Variants in BCAS3 observed in about 807,000 individuals in gnomAD.
BCAS3 encodes the protein BCAS4/BCAS3 fusion.
BCAS3 carries 53 observed loss-of-function variants against 116.1 expected under a neutral mutation model. The observed-to-expected ratio is 0.46, with a 90% CI of 0.37 to 0.57. BCAS3 has a LOEUF of 0.57. Among genes scored for constraint, BCAS3 ranks in the 20% least tolerant of loss-of-function variants. The pLI is 0.00. For synonymous variants in BCAS3, 391 were observed against 408.2 expected (o/e 0.96, Z 0.51); for missense variants, 917 against 1,165.4 (o/e 0.79, Z 3.10).
At chr17:61,230,037 A>G (rs546819528) in intron 22 of BCAS3, among the ~76,000 whole-genome samples, 1 of 152,186 alleles carries the variant, frequency 6.6e-6, no homozygotes, top group South Asian at 2.1e-4. Flanking sequence ...AGCCAGGAGA[A>G]TTGGTTGAAC....
chr17:60,902,580 T>C, intron 10 of BCAS3, 40 bp from the exon 11 acceptor site: 1 of 1,486,250 alleles, frequency 6.7e-7, no homozygotes, highest in Admixed American at 1.7e-5. Context: ...AACAGATTAA[T>C]AGAAATGACG....
At chr17:61,039,034 C>T (rs751434798) in intron 18 of BCAS3, among the ~76,000 whole-genome samples, 3 of 152,178 alleles carry the variant, frequency 2.0e-5, no homozygotes, top group Non-Finnish European at 4.4e-5. Flanking sequence ...AAGTTGTGCA[C>T]TTATCACTGC....
rs527918500 is a variant in BCAS3 at position 61,258,536 on chromosome 17, G to A, written c.2426-109791G>A. 1.3e-5 allele frequency among the ~76,000 whole-genome samples: 2 copies of A among 152,336 alleles called. No homozygotes were observed. The highest frequency in any genetic ancestry group is 2.1e-4 in the South Asian group (1 of 4,828). On this transcript the variant is annotated intron_variant, in intron 22 of 23. Coordinates refer to ENST00000407086, the MANE Select transcript of BCAS3 (RefSeq NM_017679.5). The surrounding 1 kb of genome is among the most constrained non-coding windows in gnomAD (Gnocchi z 4.7). The stretch of plus-strand genomic sequence containing the variant: ...ATAATCATACCTACTTCATGGTATC[G>A]TTGTGTGGATTAAATGAAATTGCAT...
chr17:60,724,735 T>A (rs7211419), intron 5 of BCAS3, among the ~76,000 whole-genome samples: 9,814 of 150,678 alleles, frequency 0.065, 917 homozygotes, highest in African/African-American at 0.21. Flanking sequence ...AAAAAAAAAA[T>A]TCATTTTCTT....
chr17:60,933,194 A>T (rs1303258648), intron 13 of BCAS3, among the ~76,000 whole-genome samples: 2 of 152,174 alleles, frequency 1.3e-5, no homozygotes, highest in African/African-American at 4.8e-5. Context: ...GACCCCATGG[A>T]AATGACATTT....
intron 22 of BCAS3, among the ~76,000 whole-genome samples, chr17:61,147,281 G>A (rs2143975248): frequency 6.6e-6 from 1 of 152,144 alleles, no homozygotes; most frequent in East Asian, 1.9e-4. Context: ...TCTCCATGTT[G>A]GTCAGGCTGG....
At chr17:61,192,512 T>C (rs1264298914) in intron 22 of BCAS3, among the ~76,000 whole-genome samples, 1 of 152,144 alleles carries the variant, frequency 6.6e-6, no homozygotes, top group African/African-American at 2.4e-5. Flanking sequence ...TCTACATAAA[T>C]GTGAAAATTA....
At position 61,249,160 on chromosome 17, in the gene BCAS3, G is replaced by A. The variant is rs2048187343; in HGVS notation, c.2426-119167G>A. ...AAATTAGCCGGGAATGGTGGCGGGT[G>A]CCTGTAATCCCAGCTACTCGGGAGG... On this transcript the variant is annotated intron_variant, in intron 22 of 23. Coordinates refer to ENST00000407086, the MANE Select transcript of BCAS3 (RefSeq NM_017679.5). This position sits in a 1 kb window ranked among gnomAD's most constrained non-coding sequence, Gnocchi z 6.2. Among the ~76,000 whole-genome samples the A allele has an allele frequency of 6.6e-6, 1 of 152,054 alleles. No individual in the cohort carries two copies. The highest frequency in any genetic ancestry group is 1.5e-5 in the Non-Finnish European group (1 of 68,016).
Position 61,227,464 on chromosome 17 carries a change from T to C in BCAS3, c.2426-140863T>C, listed in dbSNP as rs913667838. ...AAGAACAGAGGAACTCTAGGGACTGTAAGAAGTTTGAAACAGAAAAGGGCT... is the reference window on the plus strand; with the variant it reads ...AAGAACAGAGGAACTCTAGGGACTGCAAGAAGTTTGAAACAGAAAAGGGCT... On this transcript the variant is annotated intron_variant, in intron 22 of 23. Transcript: ENST00000407086. This position sits in a 1 kb window ranked among gnomAD's most constrained non-coding sequence, Gnocchi z 6.1. Among the ~76,000 whole-genome samples the C allele has an allele frequency of 6.6e-6, 1 of 152,198 alleles. No individual in the cohort carries two copies. Among genetic ancestry groups the C allele is most frequent in the African/African-American group, 2.4e-5 (1 of 41,444 alleles).
chr17:60,868,738 C>A, intron 8 of BCAS3, 55 bp downstream of exon 8: 2 of 1,079,822 alleles, frequency 1.9e-6, no homozygotes, highest in Non-Finnish European at 2.7e-6. Flanking sequence ...CTCTCCTGGG[C>A]ATGGAGAACT....
chr17:61,314,403 G>A (rs2054569695), intron 22 of BCAS3, among the ~76,000 whole-genome samples: 2 of 152,306 alleles, frequency 1.3e-5, no homozygotes, highest in African/African-American at 2.4e-5. Flanking sequence ...GCAGAATCCC[G>A]CCCAGCAGGC....
At chr17:60,725,868 C>T (rs1019674924) in intron 5 of BCAS3, among the ~76,000 whole-genome samples, 1 of 151,866 alleles carries the variant, frequency 6.6e-6, no homozygotes, top group Non-Finnish European at 1.5e-5. Context: ...AATCCAGGAT[C>T]AGACCTGAGG....
intron 12 of BCAS3, among the ~76,000 whole-genome samples, chr17:60,917,218 G>T (rs1296809708): frequency 1.3e-5 from 2 of 152,172 alleles, no homozygotes; most frequent in Non-Finnish European, 2.9e-5. Flanking sequence ...AAGTACATTT[G>T]TAGTGTTATA....
chr17:60,923,860 A>G (rs368681453), intron 12 of BCAS3, among the ~76,000 whole-genome samples: 6 of 152,276 alleles, frequency 3.9e-5, no homozygotes, highest in East Asian at 1.9e-4. Context: ...AAGAAGTTCT[A>G]TTTCTCTCTA....
chr17:61,344,646 G>A lies in BCAS3; in HGVS notation c.2426-23681G>A, dbSNP rs1187461444. On this transcript the variant is annotated intron_variant, in intron 22 of 23. Coordinates refer to ENST00000407086, the MANE Select transcript of BCAS3 (RefSeq NM_017679.5). This position sits in a 1 kb window ranked among gnomAD's most constrained non-coding sequence, Gnocchi z 4.1. ...CCTAACCTAGGAGAGGATCAGAAAA[G>A]GCTTCCCAGAAGTTCGATTTAAGCT... Among the ~76,000 whole-genome samples the A allele has an allele frequency of 6.6e-6, 1 of 152,142 alleles. No individual in the cohort carries two copies. Among genetic ancestry groups the A allele is most frequent in the Non-Finnish European group, 1.5e-5 (1 of 68,030 alleles).
chr17:61,171,425 T>C lies in BCAS3; in HGVS notation c.2425+86861T>C, dbSNP rs1247351208. Among the ~76,000 whole-genome samples the C allele has an allele frequency of 2.0e-5, 3 of 152,046 alleles. No homozygotes were observed. The highest frequency in any genetic ancestry group is 4.4e-5 in the Non-Finnish European group (3 of 68,012). On this transcript the variant is annotated intron_variant, in intron 22 of 23. Transcript: ENST00000407086. The surrounding 1 kb of genome is among the most constrained non-coding windows in gnomAD (Gnocchi z 4.1). ...TAATAGAAAACATTTAGCAAGATGG[T>C]AGATTTAAACTTGGCCATATCAAAA...
At chr17:60,839,441 A>C (rs1207612593) in intron 7 of BCAS3, among the ~76,000 whole-genome samples, 2 of 152,108 alleles carry the variant, frequency 1.3e-5, no homozygotes, top group African/African-American at 4.8e-5. Context: ...TGGAGATGTC[A>C]CTTACCCCTT....
At chr17:61,030,669 T>C (rs2066567112) in intron 16 of BCAS3, among the ~76,000 whole-genome samples, 1 of 152,148 alleles carries the variant, frequency 6.6e-6, no homozygotes, top group Admixed American at 6.6e-5. Flanking sequence ...TTTGTTAATT[T>C]GGTTATTCGG....
rs1316460731 is a variant in BCAS3 at position 61,188,171 on chromosome 17, T to A, written c.2425+103607T>A. On this transcript the variant is annotated intron_variant, in intron 22 of 23. Transcript: ENST00000407086. The surrounding 1 kb of genome is among the most constrained non-coding windows in gnomAD (Gnocchi z 4.0). ...GGATGTCTTCACCCCTAAAACAATCTCTCCTTGCTATTCTCGCTATTGAAC... is the reference window on the plus strand; with the variant it reads ...GGATGTCTTCACCCCTAAAACAATCACTCCTTGCTATTCTCGCTATTGAAC... Among the ~76,000 whole-genome samples, 1 of 152,210 alleles carries A rather than the reference T, an allele frequency of 6.6e-6. No individual in the cohort carries two copies. Among genetic ancestry groups the A allele is most frequent in the Non-Finnish European group, 1.5e-5 (1 of 68,050 alleles).
Sources: gnomAD v4.1 joint callset for allele counts (sites outside exome capture counted in the v4.1 genomes callset) on GRCh38, gnomAD v4.1.1 for gene constraint, Gnocchi (gnomAD v3.1) non-coding constraint, MANE v1.5 for transcripts, NCBI Gene and HGNC (gene_info 2026-07-23, HGNC 2026-07-21) for gene names.